Variants in LRP4 observed in about 807,000 individuals in gnomAD.
LRP4 encodes LDL receptor related protein 4.
LRP4 carries 95 observed loss-of-function variants against 220.3 expected under a neutral mutation model. The ratio of observed to expected loss-of-function variants is 0.43; its 90% CI spans 0.37 to 0.51. The LOEUF is 0.51. Ranked by LOEUF, LRP4 falls within the 20% of genes least tolerant of loss-of-function variation. The pLI, the probability that LRP4 is intolerant of heterozygous loss-of-function variation, is 0.00. For synonymous variants in LRP4, 903 were observed against 954.6 expected, an observed-to-expected ratio of 0.95 and a Z score of 1.00; for missense variants, 1,925 against 2,567.0, an observed-to-expected ratio of 0.75 and a Z score of 5.40.
At chr11:46,868,914 T>G in intron 32 of LRP4, 74 bp downstream of exon 32, 1 of 1,594,110 alleles carries the variant, frequency 6.3e-7, no homozygotes, top group Non-Finnish European at 8.6e-7. Context: ...ACTGTCTTGG[T>G]CCCTAACAGT....
At chr11:46,884,961 C>G (rs1306056986) in intron 18 of LRP4, among the ~76,000 whole-genome samples, 1 of 151,924 alleles carries the variant, frequency 6.6e-6, no homozygotes, top group Admixed American at 6.6e-5. Flanking sequence ...GCTCACTAAC[C>G]CCCAAAGATT....
At chr11:46,900,839 T>G (rs1592547368) in intron 2 of LRP4, among the ~76,000 whole-genome samples, 1 of 148,602 alleles carries the variant, frequency 6.7e-6, no homozygotes, top group African/African-American at 2.5e-5. Flanking sequence ...CAGGCTGGAG[T>G]GCAGTGGTAT....
At chr11:46,894,182 G>A (rs147215085) in intron 12 of LRP4, among the ~76,000 whole-genome samples, 3,627 of 152,248 alleles carry the variant, frequency 0.024, 135 homozygotes, top group African/African-American at 0.083. Flanking sequence ...GTGAGCCACC[G>A]TGCCTGGCCT....
At chr11:46,862,585 A>AAT in intron 37 of LRP4, 21 bp downstream of exon 37, 2 of 1,613,970 alleles carry the variant, frequency 1.2e-6, no homozygotes, top group Non-Finnish European at 1.7e-6. Flanking sequence ...AAGACCCTTG[A>AAT]ATATAAATTT....
At chr11:46,907,110 GAAAAC>G (rs775558610) in intron 1 of LRP4, among the ~76,000 whole-genome samples, 4 of 152,170 alleles carry the variant, frequency 2.6e-5, no homozygotes, top group Admixed American at 1.3e-4. Context: ...AGTGAAGAAA[GAAAAC>G]AAATGACTGT....
chr11:46,889,583 ACC>A, intron 15 of LRP4, 50 bp from the exon 16 acceptor site: 1 of 1,608,640 alleles, frequency 6.2e-7, no homozygotes, highest in Non-Finnish European at 8.5e-7. Context: ...TGCAAAAGTG[ACC>A]CCAAGACTAG....
At chr11:46,904,828 T>A (rs530714023) in intron 1 of LRP4, among the ~76,000 whole-genome samples, 1 of 151,980 alleles carries the variant, frequency 6.6e-6, no homozygotes, top group African/African-American at 2.4e-5. Context: ...TTACAAAAGT[T>A]AGCCAGGCAT....
Position 46,879,043 on chromosome 11 carries a change from G to C in LRP4, c.3005-5C>G. The C allele has an allele frequency of 6.2e-7, 1 of 1,614,220 alleles. No individual in the cohort carries two copies. The highest frequency in any genetic ancestry group is 8.5e-7 in the Non-Finnish European group (1 of 1,180,038). On this transcript the variant is annotated splice_region_variant and splice_polypyrimidine_tract_variant and intron_variant, in intron 21 of 37. Transcript: ENST00000378623. ...CCATAGCACATGGTGTAGACACTGGGTAGAGAGGAGGGGATGTTCAATGGG... is the reference window on the plus strand; with the variant it reads ...CCATAGCACATGGTGTAGACACTGGCTAGAGAGGAGGGGATGTTCAATGGG...
chr11:46,899,174 CT>C lies in LRP4; in HGVS notation c.548-143del. The stretch of plus-strand genomic sequence containing the variant: ...TAACCAGGTTTCATCTGGGACAGCC[CT>C]TATAGACGCCCATATTCAGGTGGAC... On this transcript the variant is annotated intron_variant, in intron 5 of 37. Coordinates refer to ENST00000378623, the MANE Select transcript of LRP4 (RefSeq NM_002334.4). This position sits in a 1 kb window ranked among gnomAD's most constrained non-coding sequence, Gnocchi z 5.9. The C allele has an allele frequency of 1.1e-6, 1 of 931,856 alleles. No homozygotes were observed. The highest frequency in any genetic ancestry group is 1.7e-6 in the Non-Finnish European group (1 of 595,154). The allele number at this position is 931,856 out of a possible 1,614,324, so 57.7% of individuals were successfully genotyped here.
intron 16 of LRP4, among the ~76,000 whole-genome samples, chr11:46,889,034 G>T (rs961186118): frequency 3.3e-5 from 5 of 152,282 alleles, no homozygotes; most frequent in Non-Finnish European, 5.9e-5. Context: ...CTGGTTTAAG[G>T]GCCGAAAGAA....
At position 46,890,860 on chromosome 11, in the gene LRP4, C is replaced by T. The variant is rs1941407786; in HGVS notation, c.1698-366G>A. ...CCTCCTGCTTTGTCCTTTCAAAGTA[C>T]TGGGATTATAGGCATGAGTCACCAT... On this transcript the variant is annotated intron_variant, in intron 13 of 37. Transcript: ENST00000378623. This position sits in a 1 kb window ranked among gnomAD's most constrained non-coding sequence, Gnocchi z 5.3. 6.6e-6 allele frequency among the ~76,000 whole-genome samples: 1 copy of T among 152,122 alleles called. No individual in the cohort carries two copies. The highest frequency in any genetic ancestry group is 2.4e-5 in the African/African-American group (1 of 41,420).
intron 1 of LRP4, among the ~76,000 whole-genome samples, chr11:46,913,038 C>G (rs1363365806): frequency 6.6e-6 from 1 of 152,156 alleles, no homozygotes; most frequent in African/African-American, 2.4e-5. Flanking sequence ...AAGTCCCAGC[C>G]AGGCTATCCC....
chr11:46,880,339 G>GC (rs1941124048), intron 20 of LRP4, among the ~76,000 whole-genome samples: 2 of 148,182 alleles, frequency 1.3e-5, no homozygotes, highest in African/African-American at 4.9e-5. Context: ...GGTGGCTCAT[G>GC]CCTATAAACC....
intron 1 of LRP4, among the ~76,000 whole-genome samples, chr11:46,910,510 T>C (rs1367018021): frequency 1.3e-5 from 2 of 152,150 alleles, no homozygotes; most frequent in Non-Finnish European, 1.5e-5. Flanking sequence ...AACCACTCCA[T>C]GATTAAGACC....
chr11:46,889,557 A>G, intron 15 of LRP4, 24 bp from the exon 16 acceptor site: 1 of 1,612,418 alleles, frequency 6.2e-7, no homozygotes, highest in Non-Finnish European at 8.5e-7. Flanking sequence ...CCAGGGCAAG[A>G]GGATCAGCGA....
In LRP4 at chr11:46,879,163, T is replaced by C; in HGVS notation, c.2967A>G (p.Leu989=). The change falls in exon 21 of 38, where the codon CTA becomes CTG. Residue 989 remains leucine, a synonymous_variant. Transcript: ENST00000378623. The stretch of plus-strand genomic sequence containing the variant: ...GGCGGTGGAAGACATGGATGTCCAT[T>C]AGGTTTTCCAGGTTCTCCTGCAGAG... The part of the protein sequence containing the change: ...RETLQENLEN[L]MDIHVFHRRR... 6.2e-7 allele frequency: 1 copy of C among 1,614,158 alleles called. No homozygotes were observed. Among genetic ancestry groups the C allele is most frequent in the Non-Finnish European group, 8.5e-7 (1 of 1,180,022 alleles).
At position 46,898,890 on chromosome 11, in the gene LRP4, G is replaced by C; in HGVS notation, c.676+14C>G. On this transcript the variant is annotated intron_variant, in intron 6 of 37. Transcript: ENST00000378623. ...GCCTGGCCTCCCCACCTCCCAGCTG[G>C]CCAGAGTACTCACAGCAGTCAGACT... The C allele has an allele frequency of 6.2e-7, 1 of 1,613,728 alleles. No individual in the cohort carries two copies. Among genetic ancestry groups the C allele is most frequent in the Non-Finnish European group, 8.5e-7 (1 of 1,179,984 alleles).
rs373597511 is a variant in LRP4 at position 46,898,691 on chromosome 11, A to G, written c.677-14T>C. 137 of 1,613,808 alleles carry G rather than the reference A, an allele frequency of 8.5e-5. No homozygotes were observed. In the African/African-American group the frequency reaches 1.7e-3, roughly 20 times the overall value. On this transcript the variant is annotated splice_polypyrimidine_tract_variant and intron_variant, in intron 6 of 37. Transcript: ENST00000378623. ...GCTGGTGGGAGGCTAGGGAAACACAAGACTTCTGTCTCTAGCCAGTCTGTG... is the reference window on the plus strand; with the variant it reads ...GCTGGTGGGAGGCTAGGGAAACACAGGACTTCTGTCTCTAGCCAGTCTGTG...
At chr11:46,879,867 G>A (rs1430771410) in intron 20 of LRP4, among the ~76,000 whole-genome samples, 1 of 152,332 alleles carries the variant, frequency 6.6e-6, no homozygotes, top group South Asian at 2.1e-4. Flanking sequence ...CACTTTGGGA[G>A]GTCCAGGTGG....
Sources: allele counts gnomAD v4.1 joint callset (sites outside exome capture counted in the v4.1 genomes callset), GRCh38; gene constraint gnomAD v4.1.1; non-coding constraint Gnocchi (gnomAD v3.1); transcripts MANE v1.5; gene names NCBI Gene and HGNC (gene_info 2026-07-23, HGNC 2026-07-21).